WWOX: variants seen among roughly 807,000 people sequenced by gnomAD.
WWOX encodes WW domain containing oxidoreductase, also known as WW domain-containing oxidoreductase.
Under a neutral mutation model 46.2 loss-of-function variants are expected in WWOX, and 69 were observed. That is an observed-to-expected ratio of 1.49 (90% confidence interval 1.23 to 1.82). The LOEUF (loss-of-function observed/expected upper bound fraction) is 1.82, where lower values mean the gene tolerates loss of function less well. Among genes scored for constraint, WWOX ranks in the 40% most tolerant of loss-of-function variants. The pLI, the probability that WWOX is intolerant of heterozygous loss-of-function variation, is 0.00. For synonymous variants in WWOX, 359 were observed against 202.6 expected (o/e 1.77, Z -6.56); for missense variants, 919 against 542.6 (o/e 1.69, Z -6.89).
intron 8 of WWOX, among the ~76,000 whole-genome samples, chr16:78,681,599 C>T (rs1039706831): frequency 6.6e-6 from 1 of 151,820 alleles, no homozygotes; most frequent in Non-Finnish European, 1.5e-5. Context: ...CAGGGCTCTG[C>T]CCATTAGAAT....
At chr16:79,043,299 G>GT (rs34348412) in intron 8 of WWOX, among the ~76,000 whole-genome samples, 35,391 of 152,080 alleles carry the variant, frequency 0.23, 4,086 homozygotes, top group Admixed American at 0.26. Context: ...AATAGAGGTG[G>GT]TGGCATGGTA....
intron 5 of WWOX, among the ~76,000 whole-genome samples, chr16:78,293,349 C>G (rs1394089696): frequency 6.6e-6 from 1 of 152,196 alleles, no homozygotes; most frequent in Non-Finnish European, 1.5e-5. Context: ...CTCTCTCCTG[C>G]CAGATTTTGT....
chr16:78,598,249 C>T (rs192012940), intron 8 of WWOX, among the ~76,000 whole-genome samples: 1 of 152,150 alleles, frequency 6.6e-6, no homozygotes, highest in Non-Finnish European at 1.5e-5. Flanking sequence ...TCAGAATTTT[C>T]TAGAACCAGT....
intron 8 of WWOX, among the ~76,000 whole-genome samples, chr16:78,745,823 G>T (rs954224216): frequency 6.6e-6 from 1 of 151,634 alleles, no homozygotes; most frequent in Non-Finnish European, 1.5e-5. Context: ...TAGAGGGCTA[G>T]TTTACAGATA....
chr16:78,567,719 C>T (rs1043186406), intron 8 of WWOX, among the ~76,000 whole-genome samples: 7 of 152,036 alleles, frequency 4.6e-5, no homozygotes, highest in Non-Finnish European at 7.4e-5. Flanking sequence ...AGTTCCAGCT[C>T]ATCCACCCTG....
At chr16:78,453,600 A>G (rs1027259382) in intron 8 of WWOX, among the ~76,000 whole-genome samples, 3 of 152,126 alleles carry the variant, frequency 2.0e-5, no homozygotes, top group African/African-American at 7.2e-5. Flanking sequence ...TAGGGTAGGG[A>G]GAGATAAAAC....
intron 8 of WWOX, among the ~76,000 whole-genome samples, chr16:79,078,711 A>C (rs1017516388): frequency 1.3e-5 from 2 of 152,214 alleles, no homozygotes; most frequent in Admixed American, 1.3e-4. Context: ...AGGGAGATTT[A>C]ACAGTTTATA....
chr16:78,760,397 C>T (rs1006234856), intron 8 of WWOX, among the ~76,000 whole-genome samples: 1 of 152,118 alleles, frequency 6.6e-6, no homozygotes, highest in Admixed American at 6.5e-5. Flanking sequence ...AGGATAGTTC[C>T]CCATATCAAG....
intron 8 of WWOX, among the ~76,000 whole-genome samples, chr16:78,652,494 T>A (rs1487046347): frequency 2.0e-5 from 3 of 151,066 alleles, no homozygotes; most frequent in Non-Finnish European, 2.9e-5. Context: ...GAGGACTCTA[T>A]AAAGGACTAT....
intron 8 of WWOX, among the ~76,000 whole-genome samples, chr16:78,817,349 A>C (rs1166105202): frequency 6.6e-6 from 1 of 152,084 alleles, no homozygotes; most frequent in Non-Finnish European, 1.5e-5. Flanking sequence ...AGAAGAAACC[A>C]GAAGGCATTT....
chr16:78,536,836 C>A (rs531563314), intron 8 of WWOX, among the ~76,000 whole-genome samples: 1 of 150,758 alleles, frequency 6.6e-6, no homozygotes, highest in African/African-American at 2.4e-5. Context: ...CATCATAGAT[C>A]TCAGCTTAAG....
At chr16:79,004,227 T>A (rs1332408274) in intron 8 of WWOX, 1 of 152,170 alleles carries the variant, frequency 6.6e-6, no homozygotes, top group Admixed American at 6.5e-5. Context: ...GAACCACATC[T>A]AGCAATAGAA....
At chr16:78,851,839 TG>T (rs1280169802) in intron 8 of WWOX, among the ~76,000 whole-genome samples, 1 of 152,250 alleles carries the variant, frequency 6.6e-6, no homozygotes, top group Non-Finnish European at 1.5e-5. Flanking sequence ...TCACAAGTAA[TG>T]TATTTATTTT....
intron 8 of WWOX, among the ~76,000 whole-genome samples, chr16:78,640,963 A>G (rs2046693530): frequency 6.6e-6 from 1 of 151,784 alleles, no homozygotes; most frequent in African/African-American, 2.4e-5. Context: ...AGAAGAAGAA[A>G]AGAAAGGAAG....
At chr16:78,451,217 G>C (rs1359991612) in intron 8 of WWOX, among the ~76,000 whole-genome samples, 2 of 152,194 alleles carry the variant, frequency 1.3e-5, no homozygotes, top group African/African-American at 4.8e-5. Flanking sequence ...AAGTCCTCCT[G>C]ACCAGGGATG....
intron 8 of WWOX, among the ~76,000 whole-genome samples, chr16:78,650,091 T>C (rs1300348157): frequency 6.6e-6 from 1 of 152,142 alleles, no homozygotes; most frequent in Non-Finnish European, 1.5e-5. Context: ...TAGGACTGGC[T>C]GAAATGTCAG....
intron 8 of WWOX, among the ~76,000 whole-genome samples, chr16:78,875,879 T>C (rs2044224353): frequency 6.6e-6 from 1 of 152,220 alleles, no homozygotes; most frequent in Non-Finnish European, 1.5e-5. Context: ...TTTTATTGCT[T>C]AGTAGAAACT....
chr16:78,279,701 T>G lies in WWOX; in HGVS notation c.517-107159T>G, dbSNP rs113884517. ...ATGTAATAGAGCTATTAGAATCCAG[T>G]GTAGTAGATTGGTAATAGTAAGGAA... On this transcript the variant is annotated intron_variant, in intron 5 of 8. Transcript: ENST00000566780. Among the ~76,000 whole-genome samples the G allele has an allele frequency of 1.1e-4, 17 of 152,206 alleles. 1 individual carries two copies. Among genetic ancestry groups the G allele is most frequent in the African/African-American group, 3.9e-4 (16 of 41,522 alleles).
Position 78,800,813 on chromosome 16 carries a change from A to T in WWOX, c.1056+368061A>T, listed in dbSNP as rs118024001. Among the ~76,000 whole-genome samples the T allele has an allele frequency of 2.6e-5, 4 of 152,206 alleles. No individual in the cohort carries two copies. The East Asian group carries it at 7.7e-4, about 29-fold the overall frequency. On this transcript the variant is annotated intron_variant, in intron 8 of 8. Transcript: ENST00000566780. ...TAGCAGCCACAGCAAACTTCTCTTG[A>T]GATAGCATCTCCTCCCCAGCACTCA...
Sources: allele counts gnomAD v4.1 joint callset (sites outside exome capture counted in the v4.1 genomes callset), GRCh38; gene constraint gnomAD v4.1.1; transcripts MANE v1.5; gene names NCBI Gene and HGNC (gene_info 2026-07-23, HGNC 2026-07-21).